The following MANBA variants were observed in gnomAD, a reference collection of about 807,000 sequenced individuals.
MANBA encodes the protein mannosidase beta.
In MANBA, 83 loss-of-function variants were observed where a neutral mutation model predicts 111.1. The ratio of observed to expected loss-of-function variants is 0.75; its 90% CI spans 0.63 to 0.90. The LOEUF is 0.90. MANBA is among the 40% of genes least tolerant of loss of function. MANBA has a pLI of 0.00. For synonymous variants in MANBA, 370 were observed against 378.7 expected (o/e 0.98, Z 0.27); for missense variants, 1,036 against 1,069.0 (o/e 0.97, Z 0.43).
chr4:102,691,133 T>C (rs1230370718), intron 5 of MANBA, among the ~76,000 whole-genome samples: 1 of 152,088 alleles, frequency 6.6e-6, no homozygotes, highest in African/African-American at 2.4e-5. Context: ...AAAAATACTT[T>C]ATAAAGTAAA....
chr4:102,701,117 C>G (rs895378438), intron 5 of MANBA, among the ~76,000 whole-genome samples: 2 of 152,016 alleles, frequency 1.3e-5, no homozygotes, highest in African/African-American at 4.8e-5. Context: ...TATGTAATGG[C>G]CTTCTTTGTC....
At chr4:102,669,916 C>T (rs1165305232) in intron 9 of MANBA, among the ~76,000 whole-genome samples, 1 of 151,684 alleles carries the variant, frequency 6.6e-6, no homozygotes, top group Non-Finnish European at 1.5e-5. Flanking sequence ...GGAGGCAGAG[C>T]TTGCAGTGAG....
At position 102,722,944 on chromosome 4, in the gene MANBA, G is replaced by A. The variant is rs745616806; in HGVS notation, c.476C>T (p.Thr159Ile). 1.2e-6 allele frequency: 2 copies of A among 1,614,140 alleles called. No homozygotes were observed. The highest frequency in any genetic ancestry group is 2.2e-5 in the South Asian group (2 of 91,084). The part of the protein sequence containing the change: ...LYAAQQSKAH[T>I]RYQVPPDCPP... Reference sequence around the variant, plus strand: ...GCAGTCTGGGGGAACCTGGTAGCGAGTGTGAGCTTTGCTCTGCTGTGCTGC... The same window carrying A: ...GCAGTCTGGGGGAACCTGGTAGCGAATGTGAGCTTTGCTCTGCTGTGCTGC... Residue 159 changes from threonine to isoleucine, a missense_variant, in exon 4 of 17, where the codon ACT (threonine) becomes ATT (isoleucine). Physicochemically the swap from Thr to Ile is moderately conservative, Grantham distance 89 (BLOSUM62 -1). Transcript: ENST00000647097.
chr4:102,668,340 G>C (rs1278651684), intron 10 of MANBA: 1 of 138,666 alleles, frequency 7.2e-6, no homozygotes, highest in African/African-American at 2.5e-5. Context: ...GCCAGACCTG[G>C]AGTCGGCCAT....
At chr4:102,713,896 C>CAAAA (rs987115592) in intron 5 of MANBA, among the ~76,000 whole-genome samples, 2 of 68,422 alleles carry the variant, frequency 2.9e-5, no homozygotes, top group Admixed American at 1.7e-4. Flanking sequence ...AACTCCATCT[C>CAAAA]AAAAAAAAAA....
At position 102,760,926 on chromosome 4, in the gene MANBA, G is replaced by T. The variant is rs1188723384; in HGVS notation, c.-32C>A. 7.8e-6 allele frequency: 12 copies of T among 1,542,554 alleles called. No individual in the cohort carries two copies. In the East Asian group the frequency reaches 2.9e-4, roughly 37 times the overall value. On this transcript the variant is annotated 5_prime_UTR_variant, in exon 1 of 17. Coordinates refer to ENST00000647097, the MANE Select transcript of MANBA (RefSeq NM_005908.4). ...ATCCCGCGCCACCGAGATGTGGAGA[G>T]ATCGAAAGGCAGCGCTGCAAGGGAC...
chr4:102,697,392 C>A (rs1050221083), intron 5 of MANBA, among the ~76,000 whole-genome samples: 1 of 151,754 alleles, frequency 6.6e-6, no homozygotes, highest in Non-Finnish European at 1.5e-5. Flanking sequence ...TTTTAGGGTA[C>A]ATGTGCACAA....
intron 5 of MANBA, among the ~76,000 whole-genome samples, chr4:102,697,138 T>C (rs1209465809): frequency 6.6e-6 from 1 of 151,950 alleles, no homozygotes; most frequent in East Asian, 1.9e-4. Context: ...AAGAAGAAAA[T>C]TTACTCAAGC....
intron 11 of MANBA, among the ~76,000 whole-genome samples, chr4:102,659,821 T>C (rs1471352712): frequency 6.6e-6 from 1 of 152,214 alleles, no homozygotes; most frequent in Non-Finnish European, 1.5e-5. Flanking sequence ...CCACCTATTA[T>C]TTCTGAAGCT....
chr4:102,677,421 A>G (rs1731775225), intron 7 of MANBA, among the ~76,000 whole-genome samples: 1 of 152,232 alleles, frequency 6.6e-6, no homozygotes, highest in Admixed American at 6.5e-5. Context: ...ATAAAAGGAA[A>G]TGTTTCAACA....
chr4:102,656,344 C>T (rs1361455571), intron 12 of MANBA, among the ~76,000 whole-genome samples: 1 of 152,038 alleles, frequency 6.6e-6, no homozygotes, highest in Non-Finnish European at 1.5e-5. Context: ...AAAAAAAATG[C>T]TCAACATGAT....
At chr4:102,709,305 AGG>A (rs1721918157) in intron 5 of MANBA, among the ~76,000 whole-genome samples, 1 of 137,886 alleles carries the variant, frequency 7.3e-6, no homozygotes. Context: ...GAAGGAAGGA[AGG>A]AAGGAAGAAA....
rs1220947003 is a variant in MANBA, at chr4:102,700,931, G to A, written c.674-10160C>T. Among the ~76,000 whole-genome samples, 6 of 152,014 alleles carry A rather than the reference G, an allele frequency of 3.9e-5. No homozygotes were observed. In the East Asian group the frequency reaches 5.8e-4, roughly 15 times the overall value. On this transcript the variant is annotated intron_variant, in intron 5 of 16. Transcript: ENST00000647097. Reference sequence around the variant, plus strand: ...GGTATCCTTGTTAACTTTCTGTCTCGTTGATCTGTCTAATGTTGACAGTGG... The same window carrying A: ...GGTATCCTTGTTAACTTTCTGTCTCATTGATCTGTCTAATGTTGACAGTGG...
intron 1 of MANBA, chr4:102,727,409 T>C: frequency 3.0e-6 from 3 of 990,530 alleles, no homozygotes; most frequent in Non-Finnish European, 4.8e-6. Flanking sequence ...AGGAGGCCTG[T>C]CCTGGAGATG....
chr4:102,713,443 A>G (rs192922309), intron 5 of MANBA, among the ~76,000 whole-genome samples: 1 of 152,288 alleles, frequency 6.6e-6, no homozygotes, highest in East Asian at 1.9e-4. Context: ...TACCTACTCT[A>G]TTTCTTTTAT....
At chr4:102,671,170 G>A (rs1731478594) in intron 9 of MANBA, 111 bp downstream of exon 9, 2 of 785,092 alleles carry the variant, frequency 2.5e-6, no homozygotes, top group Non-Finnish European at 4.6e-6. Context: ...AGCCCCAAAT[G>A]GAATATCATT....
chr4:102,660,363 T>C (rs1171333066), intron 11 of MANBA, among the ~76,000 whole-genome samples: 1 of 151,984 alleles, frequency 6.6e-6, no homozygotes, highest in Non-Finnish European at 1.5e-5. Context: ...GACTCTAAAA[T>C]AAATATATCA....
chr4:102,720,950 A>G (rs902380262), intron 4 of MANBA, among the ~76,000 whole-genome samples: 2 of 152,238 alleles, frequency 1.3e-5, no homozygotes, highest in South Asian at 2.1e-4. Flanking sequence ...TAATCAGAAC[A>G]TATTAGCTAA....
At position 102,632,284 on chromosome 4, in the gene MANBA, G is replaced by A. The variant is rs375466384; in HGVS notation, c.2416-3C>T. On this transcript the variant is annotated splice_region_variant and splice_polypyrimidine_tract_variant and intron_variant, in intron 16 of 16. Coordinates refer to ENST00000647097, the MANE Select transcript of MANBA (RefSeq NM_005908.4). The stretch of plus-strand genomic sequence containing the variant: ...TCACCTTGCTGAGAGATGATGGCCT[G>A]AAAAAGAAAAAAAAAAATGAATGAA... 7.4e-5 allele frequency: 114 copies of A among 1,530,348 alleles called. 1 individual carries two copies. The highest frequency in any genetic ancestry group is 3.8e-5 in the Admixed American group (2 of 51,992). The allele number at this position is 1,530,348 out of a possible 1,614,324, so 94.8% of individuals were successfully genotyped here. A position where few individuals can be genotyped will look rare whatever the true frequency, so the allele number is the denominator to read the frequency against.
Sources: gnomAD v4.1 joint callset for allele counts (sites outside exome capture counted in the v4.1 genomes callset) on GRCh38, gnomAD v4.1.1 for gene constraint, MANE v1.5 for transcripts, NCBI Gene and HGNC (gene_info 2026-07-23, HGNC 2026-07-21) for gene names.